EML6: variants seen among roughly 807,000 people sequenced by gnomAD.
EML6 encodes the protein EMAP like 6.
In EML6, 154 loss-of-function variants were observed where a neutral mutation model predicts 240.1. The observed-to-expected ratio is 0.64, with a 90% CI of 0.56 to 0.73. The LOEUF (loss-of-function observed/expected upper bound fraction) is 0.73, where lower values mean the gene tolerates loss of function less well. Ranked by LOEUF, EML6 falls within the 30% of genes least tolerant of loss-of-function variation. EML6 has a pLI of 0.00. For missense variants in EML6, 2,964 were observed against 2,474.6 expected, an observed-to-expected ratio of 1.20 and a Z score of -4.20; for synonymous variants, 1,148 against 899.0, an observed-to-expected ratio of 1.28 and a Z score of -4.95.
intron 28 of EML6, among the ~76,000 whole-genome samples, chr2:54,930,008 G>A (rs2104396813): frequency 6.6e-6 from 1 of 152,094 alleles, no homozygotes; most frequent in Middle Eastern, 3.4e-3. Context: ...AGAACCATAT[G>A]CACAGAAGTG....
intron 28 of EML6, among the ~76,000 whole-genome samples, chr2:54,948,533 C>T (rs1326083934): frequency 1.3e-5 from 2 of 152,238 alleles, no homozygotes; most frequent in African/African-American, 4.8e-5. Flanking sequence ...TCCCGCCCCT[C>T]ATGGTCAGGC....
intron 35 of EML6, among the ~76,000 whole-genome samples, chr2:54,962,033 C>A (rs1040663813): frequency 5.3e-5 from 8 of 150,596 alleles, no homozygotes; most frequent in African/African-American, 1.7e-4. Flanking sequence ...CACTTCTCAC[C>A]CCTTCTTATT....
intron 7 of EML6, among the ~76,000 whole-genome samples, chr2:54,836,837 C>T (rs1366807221): frequency 6.6e-6 from 1 of 152,156 alleles, no homozygotes; most frequent in East Asian, 1.9e-4. Flanking sequence ...TTTATGAATC[C>T]CTGGGGAGAT....
chr2:54,733,014 T>C (rs1205781842), intron 2 of EML6, among the ~76,000 whole-genome samples: 1 of 152,226 alleles, frequency 6.6e-6, no homozygotes, highest in Non-Finnish European at 1.5e-5. Flanking sequence ...CTCTACTCTT[T>C]TATCAGTTCA....
intron 26 of EML6, among the ~76,000 whole-genome samples, chr2:54,917,357 TG>T (rs369194612): frequency 1.9e-3 from 187 of 100,002 alleles, no homozygotes; most frequent in African/African-American, 6.4e-3. Flanking sequence ...TTTTTTTTTT[TG>T]TTTTTTTTTT....
At chr2:54,882,085 T>A (rs148692779) in intron 17 of EML6, 3 of 152,162 alleles carry the variant, frequency 2.0e-5, no homozygotes, top group Non-Finnish European at 4.4e-5. Context: ...ACCTACTCTT[T>A]AGCAGCTCAC....
intron 7 of EML6, among the ~76,000 whole-genome samples, chr2:54,839,406 G>T (rs1669324217): frequency 6.6e-6 from 1 of 152,166 alleles, no homozygotes; most frequent in Admixed American, 6.5e-5. Flanking sequence ...GTGGACAGAC[G>T]CCATGAGATT....
intron 5 of EML6, among the ~76,000 whole-genome samples, chr2:54,824,119 C>T (rs1185336094): frequency 6.6e-6 from 1 of 152,122 alleles, no homozygotes; most frequent in Non-Finnish European, 1.5e-5. Context: ...TGGGTTCTAA[C>T]TAGATTTGCT....
chr2:54,883,754 G>C (rs528716224), intron 17 of EML6, among the ~76,000 whole-genome samples: 1 of 152,114 alleles, frequency 6.6e-6, no homozygotes, highest in South Asian at 2.1e-4. Flanking sequence ...ACCTACACTT[G>C]CAGGCAACTT....
chr2:54,799,064 C>G (rs1432885200), intron 2 of EML6, among the ~76,000 whole-genome samples: 1 of 151,948 alleles, frequency 6.6e-6, no homozygotes, highest in East Asian at 1.9e-4. Flanking sequence ...GCTATATATT[C>G]TGCTAGATTT....
chr2:54,806,433 C>T (rs547807501), intron 2 of EML6, among the ~76,000 whole-genome samples: 10 of 151,704 alleles, frequency 6.6e-5, no homozygotes, highest in South Asian at 4.2e-4. Flanking sequence ...GCCAACAGGG[C>T]GAAACCCTGT....
intron 5 of EML6, among the ~76,000 whole-genome samples, chr2:54,823,992 T>C (rs956021777): frequency 1.3e-5 from 2 of 151,984 alleles, no homozygotes; most frequent in Non-Finnish European, 2.9e-5. Flanking sequence ...TCGTTCCCCA[T>C]TTCCTAGGGT....
chr2:54,770,050 A>T (rs1668343285), intron 2 of EML6, among the ~76,000 whole-genome samples: 1 of 152,198 alleles, frequency 6.6e-6, no homozygotes, highest in African/African-American at 2.4e-5. Context: ...TGATATGAAG[A>T]AGCCCTTTAA....
rs1355885032 is a variant in EML6, at chr2:54,910,815, C to G, written c.3410-139C>G. The G allele has an allele frequency of 2.0e-5, 11 of 552,754 alleles. No homozygotes were observed. The East Asian group carries it at 2.5e-4, about 13-fold the overall frequency. 34.2% of individuals were successfully genotyped at this position (552,754 alleles called of 1,614,324 possible). The stretch of plus-strand genomic sequence containing the variant: ...CATGTAATTGGCTGTACATGCCCTT[C>G]TGAATAATTCAAAATGTATTTACTC... On this transcript the variant is annotated intron_variant, in intron 24 of 41. Transcript: ENST00000356458.
chr2:54,951,493 C>T (rs572902666), intron 30 of EML6, among the ~76,000 whole-genome samples: 18 of 151,128 alleles, frequency 1.2e-4, no homozygotes, highest in Non-Finnish European at 1.9e-4. Flanking sequence ...TGCAGTGAGC[C>T]AAGATCGCGC....
In EML6 at chr2:54,724,834, C is replaced by T. The variant is rs1682829679; in HGVS notation, c.-228C>T. 2.2e-5 allele frequency: 4 copies of T among 180,638 alleles called. No individual in the cohort carries two copies. Among genetic ancestry groups the T allele is most frequent in the Non-Finnish European group, 4.4e-5 (4 of 91,180 alleles). 11.2% of individuals were successfully genotyped at this position (180,638 alleles called of 1,614,324 possible). A position where few individuals can be genotyped will look rare whatever the true frequency, so the allele number is the denominator to read the frequency against. On this transcript the variant is annotated 5_prime_UTR_variant, in exon 2 of 42. Coordinates refer to ENST00000356458, the MANE Select transcript of EML6 (RefSeq NM_001039753.4). This position sits in a 1 kb window ranked among gnomAD's most constrained non-coding sequence, Gnocchi z 5.2. ...GCCGCCTTGCCCGGGTAGAGGGAGC[C>T]CGGCGCCCGGCGGGGTCTGGCGGCC...
chr2:54,877,633 G>A (rs1000670731), intron 16 of EML6, among the ~76,000 whole-genome samples: 2 of 152,166 alleles, frequency 1.3e-5, no homozygotes, highest in African/African-American at 4.8e-5. Flanking sequence ...TGCTAAAGAG[G>A]GACCTTGCCC....
chr2:54,949,570 C>T (rs1396382325), intron 29 of EML6, among the ~76,000 whole-genome samples: 3 of 152,224 alleles, frequency 2.0e-5, no homozygotes, highest in Non-Finnish European at 4.4e-5. Flanking sequence ...GGCCTCCTGA[C>T]TGTTCTGCCT....
chr2:54,894,476 A>G (rs1558659499), intron 19 of EML6, among the ~76,000 whole-genome samples: 1 of 152,236 alleles, frequency 6.6e-6, no homozygotes. Flanking sequence ...TTTCTTCTGG[A>G]CATGACTTTT....
Sources: gnomAD v4.1 joint callset for allele counts (sites outside exome capture counted in the v4.1 genomes callset) on GRCh38, gnomAD v4.1.1 for gene constraint, Gnocchi (gnomAD v3.1) non-coding constraint, MANE v1.5 for transcripts, NCBI Gene and HGNC (gene_info 2026-07-23, HGNC 2026-07-21) for gene names.